Variants in MAGI2 observed in about 807,000 individuals in gnomAD.
The protein encoded by MAGI2 is membrane-associated guanylate kinase, WW and PDZ domain-containing protein 2.
In MAGI2, 35 loss-of-function variants were observed where a neutral mutation model predicts 133.3. The ratio of observed to expected loss-of-function variants is 0.26; its 90% CI spans 0.20 to 0.35. MAGI2 has a LOEUF of 0.35. Among genes scored for constraint, MAGI2 ranks in the 10% least tolerant of loss-of-function variants. MAGI2 has a pLI of 1.00. For synonymous variants in MAGI2, 729 were observed against 710.6 expected (o/e 1.03, Z -0.41); for missense variants, 1,636 against 1,863.4 (o/e 0.88, Z 2.25).
At chr7:78,693,414 A>G (rs978626762) in intron 2 of MAGI2, among the ~76,000 whole-genome samples, 20 of 152,222 alleles carry the variant, frequency 1.3e-4, no homozygotes, top group African/African-American at 4.3e-4. Context: ...TACGATGTGT[A>G]CAATCTGTTA....
intron 21 of MAGI2, among the ~76,000 whole-genome samples, chr7:78,037,998 C>T (rs760880211): frequency 1.3e-5 from 2 of 152,200 alleles, no homozygotes; most frequent in Non-Finnish European, 2.9e-5. Context: ...TGGCCATCAG[C>T]GTCACCTACT....
At chr7:79,084,921 G>A (rs918912495) in intron 1 of MAGI2, among the ~76,000 whole-genome samples, 8 of 151,492 alleles carry the variant, frequency 5.3e-5, no homozygotes, top group Non-Finnish European at 1.0e-4. Context: ...CATGATTTTC[G>A]ATAAGACTCA....
At chr7:79,145,336 T>A (rs902920616) in intron 1 of MAGI2, among the ~76,000 whole-genome samples, 2 of 152,146 alleles carry the variant, frequency 1.3e-5, no homozygotes, top group African/African-American at 4.8e-5. Flanking sequence ...CTCTAATACA[T>A]CATGTATTAC....
chr7:78,176,254 C>T (rs1826592517), intron 14 of MAGI2, among the ~76,000 whole-genome samples: 1 of 152,146 alleles, frequency 6.6e-6, no homozygotes, highest in South Asian at 2.1e-4. Flanking sequence ...ATTTTCCCTC[C>T]TCTCAAAGCA....
At chr7:78,900,801 G>A (rs1178577784) in intron 2 of MAGI2, among the ~76,000 whole-genome samples, 1 of 152,008 alleles carries the variant, frequency 6.6e-6, no homozygotes, top group Non-Finnish European at 1.5e-5. Context: ...TCTTTTGCTT[G>A]CAGCTGTATA....
At chr7:78,983,049 A>G (rs1804925996) in intron 2 of MAGI2, among the ~76,000 whole-genome samples, 1 of 151,174 alleles carries the variant, frequency 6.6e-6, no homozygotes, top group Non-Finnish European at 1.5e-5. Context: ...GTAAAATATC[A>G]CAATAATTTT....
intron 1 of MAGI2, among the ~76,000 whole-genome samples, chr7:79,342,085 A>C (rs17818755): frequency 0.099 from 14,993 of 152,210 alleles, 1,039 homozygotes; most frequent in Middle Eastern, 0.18. Context: ...GAACTCCACA[A>C]GAGGGCATAC....
chr7:78,442,830 A>G (rs764218469), intron 6 of MAGI2, among the ~76,000 whole-genome samples: 3 of 152,330 alleles, frequency 2.0e-5, no homozygotes, highest in Admixed American at 6.5e-5. Context: ...GAAAATACAT[A>G]TTAAACAAAC....
chr7:78,279,028 G>C (rs1562738405), intron 9 of MAGI2, among the ~76,000 whole-genome samples: 1 of 152,276 alleles, frequency 6.6e-6, no homozygotes, highest in East Asian at 1.9e-4. Context: ...AGTGATTAGG[G>C]CAGGGGATAT....
chr7:79,425,606 A>G (rs1847307843), intron 1 of MAGI2, among the ~76,000 whole-genome samples: 1 of 149,052 alleles, frequency 6.7e-6, no homozygotes, highest in Non-Finnish European at 1.5e-5. Flanking sequence ...ATATGTATAT[A>G]TATGTATATA....
intron 1 of MAGI2, among the ~76,000 whole-genome samples, chr7:79,205,490 T>A (rs767484847): frequency 1.1e-4 from 16 of 151,994 alleles, no homozygotes; most frequent in Non-Finnish European, 2.2e-4. Context: ...CATGCTAAAG[T>A]GGCTTCTTTG....
intron 1 of MAGI2, among the ~76,000 whole-genome samples, chr7:79,420,665 G>A (rs1846891815): frequency 2.6e-5 from 4 of 151,826 alleles, no homozygotes; most frequent in African/African-American, 7.3e-5. Context: ...AGTCTTCAAC[G>A]GAGCTGACAC....
At chr7:78,322,718 C>A (rs543248848) in intron 9 of MAGI2, among the ~76,000 whole-genome samples, 1 of 151,986 alleles carries the variant, frequency 6.6e-6, no homozygotes, top group African/African-American at 2.4e-5. Context: ...ATGTAACAAA[C>A]CTGCACGTTC....
chr7:78,234,530 C>A lies in MAGI2; in HGVS notation c.2047+21413G>T, dbSNP rs368924898. On this transcript the variant is annotated intron_variant, in intron 10 of 21. Coordinates refer to ENST00000354212, the MANE Select transcript of MAGI2 (RefSeq NM_012301.4). ...TGCAATTATTTCCATTTGCACTTTT[C>A]GTTAGAATTTATATTCATTATAATA... Among the ~76,000 whole-genome samples the A allele has an allele frequency of 9.5e-5, 14 of 147,838 alleles. 1 individual carries two copies. The highest frequency in any genetic ancestry group is 3.0e-4 in the African/African-American group (12 of 40,654).
chr7:79,324,687 ATATATAAAATATATATATATTATATATG>A (rs1839539755), intron 1 of MAGI2, among the ~76,000 whole-genome samples: 1 of 7,974 alleles, frequency 1.3e-4, no homozygotes, highest in Non-Finnish European at 2.6e-4. Context: ...TATATTATAT[ATATATAAAATATATATATATTATATATG>A]TATATAAAAT....
intron 1 of MAGI2, among the ~76,000 whole-genome samples, chr7:79,447,679 TAATAGTATTTA>T (rs1252772267): frequency 6.6e-6 from 1 of 151,932 alleles, no homozygotes; most frequent in South Asian, 2.1e-4. Context: ...TATAGTACGT[TAATAGTATTTA>T]AATAGTATTT....
At chr7:78,745,019 G>A (rs916816574) in intron 2 of MAGI2, among the ~76,000 whole-genome samples, 14 of 152,082 alleles carry the variant, frequency 9.2e-5, no homozygotes, top group Non-Finnish European at 1.3e-4. Context: ...ATTATTCAAC[G>A]CTACAGCACA....
intron 1 of MAGI2, among the ~76,000 whole-genome samples, chr7:79,341,388 G>A (rs1021436411): frequency 2.7e-5 from 4 of 150,416 alleles, no homozygotes; most frequent in African/African-American, 7.5e-5. Flanking sequence ...GAAATAACGA[G>A]TTGTGTTTAT....
At chr7:78,225,621 T>C (rs1264808672) in intron 10 of MAGI2, among the ~76,000 whole-genome samples, 2 of 152,220 alleles carry the variant, frequency 1.3e-5, no homozygotes, top group African/African-American at 2.4e-5. Flanking sequence ...GTTTTAGAAA[T>C]AGAACTGCTT....
Sources: allele counts gnomAD v4.1 joint callset (sites outside exome capture counted in the v4.1 genomes callset), GRCh38; gene constraint gnomAD v4.1.1; transcripts MANE v1.5; gene names NCBI Gene and HGNC (gene_info 2026-07-23, HGNC 2026-07-21).